HECW1: variants seen among roughly 807,000 people sequenced by gnomAD.
HECW1 encodes HECT, C2 and WW domain containing E3 ubiquitin protein ligase 1.
In HECW1, 61 loss-of-function variants were observed where a neutral mutation model predicts 182.3. The observed-to-expected ratio is 0.33, with a 90% CI of 0.27 to 0.41. The LOEUF (loss-of-function observed/expected upper bound fraction) is 0.41, where lower values mean the gene tolerates loss of function less well. Ranked by LOEUF, HECW1 falls within the 10% of genes least tolerant of loss-of-function variation. The probability of loss-of-function intolerance (pLI) is 1.00; values close to 1 mark genes in which losing one functional copy is unlikely to be tolerated. For missense variants in HECW1, 1,739 were observed against 2,108.9 expected (o/e 0.82, Z 3.44); for synonymous variants, 859 against 832.6 (o/e 1.03, Z -0.55).
chr7:43,485,052 A>G (rs1463044862), intron 17 of HECW1, among the ~76,000 whole-genome samples: 1 of 152,214 alleles, frequency 6.6e-6, no homozygotes, highest in Non-Finnish European at 1.5e-5. Context: ...TTGCCATCTT[A>G]TCTTGGTCAG....
chr7:43,241,320 A>G (rs1201906729), intron 2 of HECW1: 1 of 152,158 alleles, frequency 6.6e-6, no homozygotes, highest in Non-Finnish European at 1.5e-5. Flanking sequence ...TCCTGATGAA[A>G]GAGGGTTCCA....
intron 3 of HECW1, among the ~76,000 whole-genome samples, chr7:43,284,560 G>T (rs1391910421): frequency 4.3e-5 from 6 of 141,142 alleles, no homozygotes; most frequent in South Asian, 2.3e-4. Flanking sequence ...GGGAAAGAAA[G>T]AATCTATTCC....
chr7:43,370,962 A>T (rs1222030349), intron 6 of HECW1, among the ~76,000 whole-genome samples: 1 of 146,372 alleles, frequency 6.8e-6, no homozygotes, highest in Non-Finnish European at 1.5e-5. Flanking sequence ...ATCTCGGCCC[A>T]CTGCAAGCTC....
chr7:43,553,688 A>AAAAAAAAG (rs369905426), intron 28 of HECW1, among the ~76,000 whole-genome samples: 1 of 136,340 alleles, frequency 7.3e-6, no homozygotes, highest in Admixed American at 7.3e-5. Context: ...AAAAAAAAAA[A>AAAAAAAAG]GTCTCTGCCT....
At chr7:43,416,002 A>G (rs1192259977) in intron 8 of HECW1, among the ~76,000 whole-genome samples, 1 of 148,986 alleles carries the variant, frequency 6.7e-6, no homozygotes, top group African/African-American at 2.5e-5. Flanking sequence ...GAGTAATTTG[A>G]TCGTCTGAAG....
chr7:43,133,202 G>A (rs1787148535), intron 2 of HECW1, among the ~76,000 whole-genome samples: 1 of 151,476 alleles, frequency 6.6e-6, no homozygotes, highest in South Asian at 2.1e-4. Flanking sequence ...GACTCAATGT[G>A]TTTAGTTTTA....
chr7:43,287,294 G>C lies in HECW1; in HGVS notation c.28-24469G>C, dbSNP rs571062288. On this transcript the variant is annotated intron_variant, in intron 3 of 29. Transcript: ENST00000395891. ...CTGGAATGGAGGCCTGATGAAGGGAGAGCCAGAGGCCCAGAGATGTCTGGG... is the reference window on the plus strand; with the variant it reads ...CTGGAATGGAGGCCTGATGAAGGGACAGCCAGAGGCCCAGAGATGTCTGGG... Among the ~76,000 whole-genome samples the C allele has an allele frequency of 2.5e-3, 384 of 152,170 alleles. 1 individual carries two copies. The highest frequency in any genetic ancestry group is 9.0e-3 in the African/African-American group (373 of 41,488).
chr7:43,542,549 A>G (rs1206602795), intron 26 of HECW1, among the ~76,000 whole-genome samples: 1 of 151,626 alleles, frequency 6.6e-6, no homozygotes, highest in Non-Finnish European at 1.5e-5. Context: ...ATATATATAC[A>G]TATATGCCAT....
intron 3 of HECW1, among the ~76,000 whole-genome samples, chr7:43,298,589 C>A (rs1228938329): frequency 6.6e-6 from 1 of 152,246 alleles, no homozygotes; most frequent in Middle Eastern, 3.2e-3. Flanking sequence ...AAGCCCTAGT[C>A]TTGCAGTGTG....
intron 2 of HECW1, among the ~76,000 whole-genome samples, chr7:43,226,213 G>A (rs1407660040): frequency 6.6e-5 from 10 of 152,234 alleles, no homozygotes; most frequent in South Asian, 2.1e-4. Flanking sequence ...TCGGAACATC[G>A]GGGTTAAAAT....
intron 2 of HECW1, among the ~76,000 whole-genome samples, chr7:43,177,810 C>T: frequency 6.6e-6 from 1 of 152,206 alleles, no homozygotes; most frequent in East Asian, 1.9e-4. Context: ...CTCCCCTTCT[C>T]TACAAATCCC....
chr7:43,560,076 G>A (rs2082159291), intron 29 of HECW1, among the ~76,000 whole-genome samples: 1 of 152,168 alleles, frequency 6.6e-6, no homozygotes, highest in South Asian at 2.1e-4. Context: ...CTATGAAGAT[G>A]ATGCCTGCTC....
At chr7:43,188,561 C>A (rs896825806) in intron 2 of HECW1, among the ~76,000 whole-genome samples, 3 of 152,166 alleles carry the variant, frequency 2.0e-5, no homozygotes, top group African/African-American at 7.2e-5. Flanking sequence ...CTGTGAGAAA[C>A]CCCAGAATCA....
At chr7:43,174,227 C>T (rs1368297421) in intron 2 of HECW1, among the ~76,000 whole-genome samples, 1 of 152,062 alleles carries the variant, frequency 6.6e-6, no homozygotes, top group African/African-American at 2.4e-5. Flanking sequence ...GGTTTGTCCC[C>T]CAGTTCCTGA....
chr7:43,453,240 T>G (rs1176186006), intron 12 of HECW1, among the ~76,000 whole-genome samples: 1 of 152,154 alleles, frequency 6.6e-6, no homozygotes, highest in Non-Finnish European at 1.5e-5. Context: ...GGAACCCAGG[T>G]GACAAACAAT....
chr7:43,182,257 G>A (rs1193569340), intron 2 of HECW1, among the ~76,000 whole-genome samples: 1 of 152,150 alleles, frequency 6.6e-6, no homozygotes, highest in Non-Finnish European at 1.5e-5. Context: ...TTTCCCCAAT[G>A]TTTTCTTCTA....
intron 17 of HECW1, among the ~76,000 whole-genome samples, chr7:43,490,323 T>C (rs1205268039): frequency 6.6e-6 from 1 of 152,218 alleles, no homozygotes; most frequent in East Asian, 1.9e-4. Context: ...GGTTGCAGAA[T>C]GGAGCTCTCT....
chr7:43,274,332 A>G (rs557368479), intron 3 of HECW1: 8 of 851,090 alleles, frequency 9.4e-6, no homozygotes, highest in East Asian at 8.2e-5. Flanking sequence ...AGATGACTTC[A>G]GGCTGGATTG....
At chr7:43,124,176 G>A (rs1443689710) in intron 2 of HECW1, among the ~76,000 whole-genome samples, 2 of 152,156 alleles carry the variant, frequency 1.3e-5, no homozygotes, top group East Asian at 3.8e-4. Context: ...ATGAAACTTT[G>A]TGGTAGATAT....
Sources: allele counts gnomAD v4.1 joint callset (sites outside exome capture counted in the v4.1 genomes callset), GRCh38; gene constraint gnomAD v4.1.1; transcripts MANE v1.5; gene names NCBI Gene and HGNC (gene_info 2026-07-23, HGNC 2026-07-21).